Variants in BAZ2A observed in about 807,000 individuals in gnomAD.
The protein encoded by BAZ2A is bromodomain adjacent to zinc finger domain 2A.
In BAZ2A, 34 loss-of-function variants were observed where a neutral mutation model predicts 199.9. The observed-to-expected ratio is 0.17, with a 90% CI of 0.13 to 0.23. The LOEUF is 0.23. Among genes scored for constraint, BAZ2A ranks in the 10% least tolerant of loss-of-function variants. The pLI, the probability that BAZ2A is intolerant of heterozygous loss-of-function variation, is 1.00. For synonymous variants in BAZ2A, 857 were observed against 883.9 expected (o/e 0.97, Z 0.54); for missense variants, 2,002 against 2,391.1 (o/e 0.84, Z 3.39).
Position 56,601,392 on chromosome 12 carries a change from G to A in BAZ2A, c.4082C>T (p.Pro1361Leu), listed in dbSNP as rs1462168881. The change falls in exon 21 of 29, where the codon CCT (proline) becomes CTT (leucine). Residue 1361 changes from proline (P) to leucine (L), a missense_variant. By Grantham distance (98) the Pro-to-Leu change is moderately conservative. Coordinates refer to ENST00000549884, the MANE Select transcript of BAZ2A (RefSeq NM_001300905.2). ...TGGAGAACAAGGGTTGGCAGCACTA[G>A]GTCTATTCATCTGTGAATAAAATGA... Reference protein sequence around the residue: ...QLASSKPMNRPSAANPCSPVQ... With the variant: ...QLASSKPMNRLSAANPCSPVQ... 6.2e-7 allele frequency: 1 copy of A among 1,613,342 alleles called. No individual in the cohort carries two copies. Among genetic ancestry groups the A allele is most frequent in the Non-Finnish European group, 8.5e-7 (1 of 1,179,628 alleles).
At chr12:56,630,915 C>T, upstream of BAZ2A, 1 of 934,420 alleles carries the variant, frequency 1.1e-6, no homozygotes, top group Non-Finnish European at 1.3e-6. Flanking sequence ...CAGCAAAGAC[C>T]TGAGTGTAGC....
intron 1 of BAZ2A, chr12:56,621,274 C>G (rs1175992080): frequency 1.0e-6 from 1 of 984,584 alleles, no homozygotes; most frequent in African/African-American, 1.8e-5. Context: ...ACAGCATATC[C>G]TGTTTTTGTA....
In BAZ2A at chr12:56,615,084, C is replaced by T; in HGVS notation, c.660G>A (p.Glu220=). 1 of 1,613,912 alleles carries T rather than the reference C, an allele frequency of 6.2e-7. No homozygotes were observed. Among genetic ancestry groups the T allele is most frequent in the East Asian group, 2.2e-5 (1 of 44,874 alleles). The stretch of plus-strand genomic sequence containing the variant: ...CATTCTCTGCCACAACTGAAGTCAT[C>T]TCCTTTTCTGCTGCCTCATCAGGAT... ...GIHPDEAAEK[E]MTSVVAENGT... is the part of the protein sequence containing the mutation. Residue 220 remains glutamate, a synonymous_variant, in exon 3 of 29, where the codon GAG becomes GAA. Coordinates refer to ENST00000549884, the MANE Select transcript of BAZ2A (RefSeq NM_001300905.2).
chr12:56,601,045 G>C lies in BAZ2A; in HGVS notation c.4348C>G (p.Leu1450Val), dbSNP rs1565807360. ...ATACCTCGGGGGTGTAGGGCCTTGA[G>C]CATGGCATCCAACATCTCAGGATCT... ...IRDPEMLDAM[L>V]KALHPRGIRE... The change falls in exon 22 of 29, where the codon CTC becomes GTC. Residue 1450 changes from leucine (L) to valine (V), a missense_variant. Transcript: ENST00000549884. 6.2e-7 allele frequency: 1 copy of C among 1,611,156 alleles called. No homozygotes were observed. The highest frequency in any genetic ancestry group is 2.2e-5 in the East Asian group (1 of 44,796).
At chr12:56,607,091 C>T (rs769620978) in intron 10 of BAZ2A, among the ~76,000 whole-genome samples, 2 of 152,058 alleles carry the variant, frequency 1.3e-5, no homozygotes, top group Non-Finnish European at 2.9e-5. Flanking sequence ...CAGAAACCCA[C>T]GGACTGATTT....
chr12:56,602,289 G>A (rs1886570762), intron 19 of BAZ2A, 97 bp from the exon 20 acceptor site: 1 of 1,099,818 alleles, frequency 9.1e-7, no homozygotes, highest in South Asian at 1.7e-5. Flanking sequence ...TTTTCTCTTG[G>A]ACTTAGTCCC....
chr12:56,600,161 T>G (rs958471015), intron 24 of BAZ2A, 40 bp downstream of exon 24: 7 of 1,612,036 alleles, frequency 4.3e-6, no homozygotes, highest in Middle Eastern at 1.6e-4. Context: ...ACTTATCCCT[T>G]TCTCTCCAAG....
At chr12:56,608,867 CTTTTTTTTT>C (rs67765071) in intron 10 of BAZ2A, among the ~76,000 whole-genome samples, 12 of 69,906 alleles carry the variant, frequency 1.7e-4, no homozygotes, top group Non-Finnish European at 2.5e-5. Flanking sequence ...CCGTGCCTGG[CTTTTTTTTT>C]TTTTTTTTTT....
chr12:56,608,075 G>GAAAAAAA (rs756785811), intron 10 of BAZ2A, among the ~76,000 whole-genome samples: 2 of 110,998 alleles, frequency 1.8e-5, no homozygotes, highest in Non-Finnish European at 3.7e-5. Flanking sequence ...ACTCCATCTG[G>GAAAAAAA]AAAAAAAAAA....
intron 1 of BAZ2A, among the ~76,000 whole-genome samples, chr12:56,620,181 A>T (rs1463661554): frequency 1.3e-5 from 2 of 151,880 alleles, no homozygotes; most frequent in Admixed American, 6.6e-5. Context: ...AAAAAAAAAA[A>T]TCACAAGAAA....
Position 56,611,758 on chromosome 12 carries a change from A to C in BAZ2A, c.1609+15T>G, listed in dbSNP as rs200406851. On this transcript the variant is annotated intron_variant, in intron 6 of 28. Transcript: ENST00000549884. ...TTGGAACCAGACAGGGATAGAATAG[A>C]ATCTGGATACTCACCACTACCAGAA... 6.6e-6 allele frequency: 10 copies of C among 1,521,548 alleles called. No homozygotes were observed. In the African/African-American group the frequency reaches 1.1e-4, roughly 17 times the overall value. 94.3% of individuals were successfully genotyped at this position (1,521,548 alleles called of 1,614,324 possible). A position where few individuals can be genotyped will look rare whatever the true frequency, so the allele number is the denominator to read the frequency against.
At position 56,600,074 on chromosome 12, in the gene BAZ2A, T is replaced by C. The variant is rs753709266; in HGVS notation, c.4915A>G (p.Ile1639Val). Residue 1639 changes from isoleucine to valine, a missense_variant, in exon 25 of 29, where the codon ATT becomes GTT. Ile to Val is a conservative substitution (Grantham distance 29). Coordinates refer to ENST00000549884, the MANE Select transcript of BAZ2A (RefSeq NM_001300905.2). ...TCGAGGGTCTGGCGCCAGACACGAA[T>C]GCGAGGGGTGATCTCATATGATCTG... The part of the protein sequence containing the change: ...TEISYEITPR[I>V]RVWRQTLERC... 8 of 1,613,930 alleles carry C rather than the reference T, an allele frequency of 5.0e-6. No individual in the cohort carries two copies. The highest frequency in any genetic ancestry group is 6.8e-6 in the Non-Finnish European group (8 of 1,179,908).
Position 56,596,634 on chromosome 12 carries a change from AAGC to A in BAZ2A, c.*1981_*1983del, listed in dbSNP as rs1885865271. 1 of 152,570 alleles carries A rather than the reference AAGC, an allele frequency of 6.6e-6. No individual in the cohort carries two copies. The highest frequency in any genetic ancestry group is 1.5e-5 in the Non-Finnish European group (1 of 68,026). 9.5% of individuals were successfully genotyped at this position (152,570 alleles called of 1,614,324 possible). On this transcript the variant is annotated 3_prime_UTR_variant, in exon 29 of 29. Coordinates refer to ENST00000549884, the MANE Select transcript of BAZ2A (RefSeq NM_001300905.2). The stretch of plus-strand genomic sequence containing the variant: ...CCAGGGGAAAATTGCCAGGGGGAAA[AAGC>A]AGAGCCCCCAACTCTAACAGTTTCA...
upstream of BAZ2A, among the ~76,000 whole-genome samples, chr12:56,637,194 C>T (rs1951468435): frequency 6.6e-6 from 1 of 152,230 alleles, no homozygotes; most frequent in Admixed American, 6.5e-5. Flanking sequence ...TCCAGTGCTA[C>T]CGCGAGAGGG....
Position 56,620,062 on chromosome 12 carries a change from T to C in BAZ2A, c.-2-2530A>G, listed in dbSNP as rs182651307. Among the ~76,000 whole-genome samples, 543 of 152,296 alleles carry C rather than the reference T, an allele frequency of 3.6e-3. 1 individual carries two copies. The highest frequency in any genetic ancestry group is 6.3e-3 in the Non-Finnish European group (429 of 68,032). On this transcript the variant is annotated intron_variant, in intron 1 of 28. Transcript: ENST00000549884. ...TATCTCCCATATAGGATATCTCATC[T>C]TTAGTCTAAATAGGGGTGTCCAATC...
intron 2 of BAZ2A, 131 bp downstream of exon 2, chr12:56,617,264 A>G: frequency 8.8e-7 from 1 of 1,136,110 alleles, no homozygotes; most frequent in African/African-American, 1.6e-5. Context: ...ATGTTTCCAA[A>G]AAACCCTAGA....
rs573010827 is a variant in BAZ2A, at chr12:56,600,746, G to A, written c.4537C>T (p.Leu1513=). 1.2e-6 allele frequency: 2 copies of A among 1,613,784 alleles called. No homozygotes were observed. Among genetic ancestry groups the A allele is most frequent in the Non-Finnish European group, 1.7e-6 (2 of 1,179,880 alleles). The part of the protein sequence containing the change: ...SPKEKTYETD[L]AVLQWVEELE... ...TCCTCTACCCATTGAAGCACTGCTA[G>A]GTCTGTCTCGTATGTCTTCTCTTTG... Residue 1513 remains leucine, a synonymous_variant, in exon 23 of 29, where the codon CTA becomes TTA. Coordinates refer to ENST00000549884, the MANE Select transcript of BAZ2A (RefSeq NM_001300905.2).
In BAZ2A at chr12:56,615,289, G is replaced by A. The variant is rs1165689362; in HGVS notation, c.455C>T (p.Thr152Ile). The change falls in exon 3 of 29, where the codon ACC (threonine) becomes ATC (isoleucine). Residue 152 changes from threonine to isoleucine, a missense_variant. Thr to Ile is a moderately conservative substitution (Grantham distance 89). This residue lies in a region of BAZ2A where 641 missense variants were observed against 694.5 expected (regional missense o/e 0.92). Coordinates refer to ENST00000549884, the MANE Select transcript of BAZ2A (RefSeq NM_001300905.2). ...AAAGTTAAGCCCCATGGGACTCTGGGTACCGTTGGCCCAGAACTCTTGGCT... is the reference window on the plus strand; with the variant it reads ...AAAGTTAAGCCCCATGGGACTCTGGATACCGTTGGCCCAGAACTCTTGGCT... ...AGSQEFWANG[T>I]QSPMGLNFDS... 2.5e-6 allele frequency: 4 copies of A among 1,613,880 alleles called. No individual in the cohort carries two copies. Among genetic ancestry groups the A allele is most frequent in the Admixed American group, 3.3e-5 (2 of 59,994 alleles).
At chr12:56,609,449 A>C (rs1950488993) in intron 10 of BAZ2A, among the ~76,000 whole-genome samples, 1 of 152,206 alleles carries the variant, frequency 6.6e-6, no homozygotes, top group African/African-American at 2.4e-5. Flanking sequence ...TAAGGAGCTA[A>C]AAGATGGAAA....
Sources: gnomAD v4.1 joint callset for allele counts (sites outside exome capture counted in the v4.1 genomes callset) on GRCh38, gnomAD v4.1.1 for gene constraint, gnomAD v4.1.1 regional missense constraint, MANE v1.5 for transcripts, NCBI Gene and HGNC (gene_info 2026-07-23, HGNC 2026-07-21) for gene names.